Variants in POLK observed in about 807,000 individuals in gnomAD.
The protein encoded by POLK is polymerase (DNA directed) kappa.
A neutral mutation model predicts 94.0 loss-of-function variants in POLK; 76 were observed. The ratio of observed to expected loss-of-function variants is 0.81; its 90% CI spans 0.67 to 0.98. The LOEUF (loss-of-function observed/expected upper bound fraction) is 0.98, where lower values mean the gene tolerates loss of function less well. Ranked by LOEUF, POLK falls within the 50% of genes least tolerant of loss-of-function variation. The pLI, the probability that POLK is intolerant of heterozygous loss-of-function variation, is 0.00. For missense variants in POLK, 954 were observed against 1,010.1 expected (o/e 0.94, Z 0.75); for synonymous variants, 349 against 325.4 (o/e 1.07, Z -0.78).
intron 3 of POLK, among the ~76,000 whole-genome samples, chr5:75,559,536 T>G (rs1384862934): frequency 1.7e-4 from 23 of 134,742 alleles, no homozygotes; most frequent in African/African-American, 5.7e-4. Flanking sequence ...TTTTTTTTTT[T>G]TTTTTTTTTT....
intron 1 of POLK, among the ~76,000 whole-genome samples, chr5:75,543,422 G>A (rs919257956): frequency 1.3e-5 from 2 of 152,158 alleles, no homozygotes; most frequent in African/African-American, 2.4e-5. Context: ...TGATAGTTTG[G>A]ATGTGGGTGT....
chr5:75,596,447 G>A (rs1239036815), exon 13 of POLK: 6 of 1,613,750 alleles, frequency 3.7e-6, no homozygotes, highest in Admixed American at 1.7e-5. Context: ...ACATTTAAAT[G>A]TGAAGCCGTG....
chr5:75,547,055 C>A lies in POLK; in HGVS notation c.33C>A (p.Tyr11Ter). 1 of 1,524,222 alleles carries A rather than the reference C, an allele frequency of 6.6e-7. No individual in the cohort carries two copies. Among genetic ancestry groups the A allele is most frequent in the Non-Finnish European group, 9.0e-7 (1 of 1,113,550 alleles). 94.4% of individuals were successfully genotyped at this position (1,524,222 alleles called of 1,614,324 possible). Residue 11 changes from tyrosine to a stop codon, truncating the protein, a stop_gained, in exon 2 of 15, where the codon TAC becomes TAA. Coordinates refer to ENST00000241436, the Ensembl canonical transcript of POLK. LOFTEE classifies it high-confidence loss of function. ...GCACAAAGGAGAAGTGTGACAGTTA[C>A]AAAGATGATCTTCTGCTTAGGATGG...
chr5:75,537,151 C>T (rs1367883843), intron 1 of POLK, among the ~76,000 whole-genome samples: 1 of 152,216 alleles, frequency 6.6e-6, no homozygotes, highest in Admixed American at 6.5e-5. Context: ...CAGTGGCGGC[C>T]TCTATTGAGG....
intron 7 of POLK, 83 bp downstream of exon 7, chr5:75,581,531 A>G (rs1053878986): frequency 7.9e-6 from 9 of 1,142,150 alleles, no homozygotes; most frequent in Non-Finnish European, 8.9e-6. Flanking sequence ...GTTTCTCATT[A>G]TAAAGTATAT....
At chr5:75,600,422 C>G (rs1040238537) in exon 15 of POLK, 58 of 152,212 alleles carry the variant, frequency 3.8e-4, no homozygotes, top group African/African-American at 1.4e-3. Context: ...TGCTCAAAAC[C>G]TAGCAATTGC....
intron 6 of POLK, among the ~76,000 whole-genome samples, chr5:75,579,493 C>T (rs772922823): frequency 3.6e-4 from 55 of 151,806 alleles, no homozygotes; most frequent in Non-Finnish European, 7.4e-4. Context: ...CCCCAGCCTC[C>T]GGAGTAGCTG....
chr5:75,596,464 C>CA lies in POLK; in HGVS notation c.1774dup (p.Ser592LysfsTer17). Reference sequence around the variant, plus strand: ...ATTTAAATGTGAAGCCGTGAATAAACAAAGTTTCCAGACATCACAACCATT... The same window carrying CA: ...ATTTAAATGTGAAGCCGTGAATAAACAAAAGTTTCCAGACATCACAACCATT... On this transcript the variant is annotated frameshift_variant, in exon 13 of 15. Coordinates refer to ENST00000241436, the Ensembl canonical transcript of POLK. LOFTEE classifies it high-confidence loss of function. 1.2e-6 allele frequency: 2 copies of CA among 1,613,768 alleles called. No individual in the cohort carries two copies. The highest frequency in any genetic ancestry group is 1.1e-5 in the South Asian group (1 of 91,080).
chr5:75,571,770 C>T (rs1047071043), intron 4 of POLK, among the ~76,000 whole-genome samples: 2 of 152,150 alleles, frequency 1.3e-5, no homozygotes, highest in African/African-American at 4.8e-5. Context: ...GAACTAGAAC[C>T]CACTTTTGAT....
Position 75,597,923 on chromosome 5 carries a change from T to G in POLK, c.2529-11T>G. 1.4e-6 allele frequency: 2 copies of G among 1,416,586 alleles called. No individual in the cohort carries two copies. The highest frequency in any genetic ancestry group is 2.3e-5 in the Admixed American group (1 of 43,358). 87.8% of individuals were successfully genotyped at this position (1,416,586 alleles called of 1,614,324 possible). ...TCCTGCATTTTAATTGTGTGTTCCT[T>G]TTCATTCTAGGCCAGGATTGATGAC... On this transcript the variant is annotated splice_polypyrimidine_tract_variant and intron_variant, in intron 14 of 14. Transcript: ENST00000241436.
chr5:75,542,677 A>G (rs1448070729), intron 1 of POLK, among the ~76,000 whole-genome samples: 1 of 147,752 alleles, frequency 6.8e-6, no homozygotes, highest in African/African-American at 2.5e-5. Context: ...ACATATATAC[A>G]TATATATACA....
chr5:75,511,524 T>C, upstream of POLK: 2 of 1,467,998 alleles, frequency 1.4e-6, no homozygotes, highest in East Asian at 2.5e-5. Context: ...CAATTTCAAA[T>C]AGGGAAGGAA....
At chr5:75,562,974 G>T (rs1405598735) in intron 3 of POLK, among the ~76,000 whole-genome samples, 4 of 152,032 alleles carry the variant, frequency 2.6e-5, no homozygotes, top group Admixed American at 6.6e-5. Flanking sequence ...AAATTTTTTT[G>T]TTGTTGTTGT....
chr5:75,547,202 T>G, intron 2 of POLK, 45 bp downstream of exon 2: 1 of 1,052,636 alleles, frequency 9.5e-7, no homozygotes, highest in Non-Finnish European at 1.3e-6. Flanking sequence ...AATGACCTTT[T>G]AACTTTCTGT....
chr5:75,583,292 G>T lies in POLK; in HGVS notation c.935-1G>T. Reference sequence around the variant, plus strand: ...AGTCATCAGAGTATTCTTCTTTTAAGGCATTGCCCCAAATACAATGTTAGC... The same window carrying T: ...AGTCATCAGAGTATTCTTCTTTTAATGCATTGCCCCAAATACAATGTTAGC... On this transcript the variant is annotated splice_acceptor_variant, in intron 7 of 14. Transcript: ENST00000241436. LOFTEE classifies it high-confidence loss of function. 1 of 1,579,362 alleles carries T rather than the reference G, an allele frequency of 6.3e-7. No individual in the cohort carries two copies. The highest frequency in any genetic ancestry group is 1.2e-5 in the South Asian group (1 of 83,822).
chr5:75,580,521 C>T (rs772696617), intron 6 of POLK: 20 of 555,272 alleles, frequency 3.6e-5, no homozygotes, highest in Admixed American at 1.3e-4. Context: ...TTAATAATAA[C>T]GTCTCTTTTT....
chr5:75,602,949 C>A (rs1018096414), downstream of POLK, among the ~76,000 whole-genome samples: 1 of 152,030 alleles, frequency 6.6e-6, no homozygotes, highest in South Asian at 2.1e-4. Context: ...GGTCAGTGTC[C>A]CCACTGAAGA....
chr5:75,550,151 C>T (rs576521878), intron 2 of POLK, among the ~76,000 whole-genome samples: 1 of 152,172 alleles, frequency 6.6e-6, no homozygotes, highest in East Asian at 1.9e-4. Flanking sequence ...ACCCTGATAC[C>T]AAAGCCAAAC....
At chr5:75,545,980 G>T (rs1181222870) in intron 1 of POLK, among the ~76,000 whole-genome samples, 1 of 152,180 alleles carries the variant, frequency 6.6e-6, no homozygotes, top group African/African-American at 2.4e-5. Flanking sequence ...CTAGAATGGA[G>T]CATGCAGAAA....
Sources: gnomAD v4.1 joint callset for allele counts (sites outside exome capture counted in the v4.1 genomes callset) on GRCh38, gnomAD v4.1.1 for gene constraint, MANE v1.5 for transcripts, NCBI Gene and HGNC (gene_info 2026-07-23, HGNC 2026-07-21) for gene names.